Variants in STK32C observed in about 807,000 individuals in gnomAD.
The protein encoded by STK32C is serine/threonine-protein kinase 32C.
Under a neutral mutation model 56.5 loss-of-function variants are expected in STK32C, and 31 were observed. The ratio of observed to expected loss-of-function variants is 0.55; its 90% CI spans 0.41 to 0.74. The LOEUF (loss-of-function observed/expected upper bound fraction) is 0.74. Ranked by LOEUF, STK32C falls within the 30% of genes least tolerant of loss-of-function variation. The pLI is 0.00. For missense variants in STK32C, 544 were observed against 676.9 expected (o/e 0.80, Z 2.18); for synonymous variants, 309 against 289.4 (o/e 1.07, Z -0.69).
chr10:132,325,552 T>TAAAAAAAAA (rs563291590), intron 1 of STK32C, among the ~76,000 whole-genome samples: 2 of 141,578 alleles, frequency 1.4e-5, no homozygotes, highest in Non-Finnish European at 3.1e-5. Flanking sequence ...GAGTCCGTCT[T>TAAAAAAAAA]AAAAAAAAAA....
chr10:132,243,857 C>T (rs1279031982), intron 2 of STK32C, among the ~76,000 whole-genome samples: 1 of 152,108 alleles, frequency 6.6e-6, no homozygotes, highest in African/African-American at 2.4e-5. Context: ...GCCAGGGGAT[C>T]CCACCCCTCA....
In STK32C at chr10:132,209,094, T is replaced by C; in HGVS notation, c.1259A>G (p.Asp420Gly). The C allele has an allele frequency of 1.2e-6, 2 of 1,613,802 alleles. No homozygotes were observed. Among genetic ancestry groups the C allele is most frequent in the African/African-American group, 1.3e-5 (1 of 75,066 alleles). The change falls in exon 11 of 12, where the codon GAC (aspartate) becomes GGC (glycine). Residue 420 changes from aspartate to glycine, a missense_variant. Around this residue, in one of 3 missense-constraint regions of STK32C, gnomAD observed 277 missense variants for 309.3 expected, o/e 0.90. Coordinates refer to ENST00000298630, the MANE Select transcript of STK32C (RefSeq NM_173575.4). ...GGCATCGAGGCAGTCTTGAAGATAG[T>C]CATTCTCCTGTGGATGGAAAGGCAC... ...NSRDSSQSEN[D>G]YLQDCLDAIQ...
chr10:132,312,520 T>C (rs2066241523), upstream of STK32C, among the ~76,000 whole-genome samples: 1 of 152,052 alleles, frequency 6.6e-6, no homozygotes, highest in Non-Finnish European at 1.5e-5. Context: ...GAGATAGGCA[T>C]AAGATATACA....
chr10:132,240,163 A>G (rs2063451548), intron 2 of STK32C, among the ~76,000 whole-genome samples: 1 of 151,988 alleles, frequency 6.6e-6, no homozygotes, highest in African/African-American at 2.4e-5. Context: ...TGGTGGCCTG[A>G]AACCCATGAC....
At chr10:132,211,250 A>AAGGC (rs2062289353) in intron 10 of STK32C, among the ~76,000 whole-genome samples, 1 of 152,170 alleles carries the variant, frequency 6.6e-6, no homozygotes, top group South Asian at 2.1e-4. Context: ...ACGGTGACCT[A>AAGGC]AGGCTCAGAC....
At chr10:132,264,143 G>A (rs762573671) in intron 1 of STK32C, among the ~76,000 whole-genome samples, 1 of 152,214 alleles carries the variant, frequency 6.6e-6, no homozygotes, top group Non-Finnish European at 1.5e-5. Flanking sequence ...TGAGGCGCCT[G>A]CAGTTAGATA....
At chr10:132,235,090 G>A (rs1209398060) in intron 2 of STK32C, among the ~76,000 whole-genome samples, 1 of 152,108 alleles carries the variant, frequency 6.6e-6, no homozygotes, top group Non-Finnish European at 1.5e-5. Context: ...GGTATGAACT[G>A]TGTGAGTGGT....
At chr10:132,236,002 G>GT (rs895877830) in intron 2 of STK32C, among the ~76,000 whole-genome samples, 50 of 152,372 alleles carry the variant, frequency 3.3e-4, no homozygotes, top group African/African-American at 1.2e-3. Context: ...GGTTGTGGCT[G>GT]TAACAGGATT....
At chr10:132,209,549 C>G (rs1279409407) in intron 10 of STK32C, among the ~76,000 whole-genome samples, 1 of 152,208 alleles carries the variant, frequency 6.6e-6, no homozygotes, top group Non-Finnish European at 1.5e-5. Flanking sequence ...AGAAGCAGGT[C>G]CTCAGGGCAA....
At chr10:132,284,531 C>T (rs530380501) in intron 1 of STK32C, among the ~76,000 whole-genome samples, 2 of 152,190 alleles carry the variant, frequency 1.3e-5, no homozygotes, top group African/African-American at 2.4e-5. Flanking sequence ...CCCATGACAC[C>T]CACAGAGCCC....
upstream of STK32C, among the ~76,000 whole-genome samples, chr10:132,312,219 G>C (rs1357525465): frequency 6.6e-6 from 1 of 152,070 alleles, no homozygotes; most frequent in Non-Finnish European, 1.5e-5. Context: ...CTGTGGCCTA[G>C]GCTGATCTCA....
At chr10:132,319,827 C>A (rs2066370296), downstream of STK32C, among the ~76,000 whole-genome samples, 1 of 151,442 alleles carries the variant, frequency 6.6e-6, no homozygotes, top group South Asian at 2.1e-4. Flanking sequence ...TTTCCCCTTC[C>A]TTTTGTCATC....
rs1481730206 is a variant in STK32C at position 132,267,752 on chromosome 10, TGC to T, written c.263-21799_263-21798del. 2.8e-4 allele frequency among the ~76,000 whole-genome samples: 35 copies of T among 125,992 alleles called. 4 individuals carry two copies. The highest frequency in any genetic ancestry group is 3.7e-4 in the Admixed American group (5 of 13,410). 82.7% of individuals were successfully genotyped at this position (125,992 alleles called of 152,430 possible). On this transcript the variant is annotated intron_variant, in intron 1 of 11. Coordinates refer to ENST00000298630, the MANE Select transcript of STK32C (RefSeq NM_173575.4). ...CCCACATCGTGTGTGTGTGTGTCGG[TGC>T]GTGTGCATGCATGTGCATGCAGGTT...
At chr10:132,225,455 G>C in intron 6 of STK32C, 72 bp downstream of exon 6, 2 of 1,600,208 alleles carry the variant, frequency 1.2e-6, no homozygotes, top group Non-Finnish European at 8.6e-7. Context: ...GTGGGACAGA[G>C]AAGCCACCGA....
intron 10 of STK32C, among the ~76,000 whole-genome samples, chr10:132,209,946 C>G (rs1321754246): frequency 6.6e-6 from 1 of 152,172 alleles, no homozygotes; most frequent in South Asian, 2.1e-4. Flanking sequence ...AAGTCACCCA[C>G]GTCACAGCCA....
intron 2 of STK32C, among the ~76,000 whole-genome samples, chr10:132,245,328 G>A (rs1286567400): frequency 2.0e-5 from 3 of 152,196 alleles, no homozygotes; most frequent in Admixed American, 6.5e-5. Flanking sequence ...AACCTTTTCC[G>A]AGTGCTCGTT....
At chr10:132,292,817 G>A (rs1052910399) in intron 1 of STK32C, among the ~76,000 whole-genome samples, 65 of 152,174 alleles carry the variant, frequency 4.3e-4, no homozygotes, top group African/African-American at 1.4e-3. Flanking sequence ...GTGTGAGGGA[G>A]GGCATCAGAT....
At chr10:132,300,946 A>G (rs1341896591) in intron 1 of STK32C, among the ~76,000 whole-genome samples, 7 of 152,176 alleles carry the variant, frequency 4.6e-5, no homozygotes, top group Non-Finnish European at 8.8e-5. Flanking sequence ...AGGTTCAGAG[A>G]AACACACAGC....
chr10:132,256,516 A>G (rs1203063389), intron 1 of STK32C, among the ~76,000 whole-genome samples: 1 of 152,220 alleles, frequency 6.6e-6, no homozygotes, highest in Non-Finnish European at 1.5e-5. Flanking sequence ...TGATCAATAC[A>G]GTATCTCCGG....
Sources: allele counts gnomAD v4.1 joint callset (sites outside exome capture counted in the v4.1 genomes callset), GRCh38; gene constraint gnomAD v4.1.1; regional missense constraint gnomAD v4.1.1; transcripts MANE v1.5; gene names NCBI Gene and HGNC (gene_info 2026-07-23, HGNC 2026-07-21).